ABCA2: variants seen among roughly 807,000 people sequenced by gnomAD.
The protein encoded by ABCA2 is ATP binding cassette subfamily A member 2, also known as ATP-binding cassette sub-family A member 2.
ABCA2 carries 84 observed loss-of-function variants against 262.8 expected under a neutral mutation model. The observed-to-expected ratio is 0.32, with a 90% confidence interval of 0.27 to 0.38. ABCA2 has a LOEUF of 0.38. Ranked by LOEUF, ABCA2 falls within the 10% of genes least tolerant of loss-of-function variation. The probability of loss-of-function intolerance (pLI) is 1.00; values close to 1 mark genes in which losing one functional copy is unlikely to be tolerated. For synonymous variants in ABCA2, 1,696 were observed against 1,502.9 expected, an observed-to-expected ratio of 1.13 and a Z score of -2.97; for missense variants, 2,662 against 3,405.9, an observed-to-expected ratio of 0.78 and a Z score of 5.44.
rs1830880067 is a variant in ABCA2, at chr9:137,007,654, C to T, written c.*275G>A. ...GGCGGTGAGCAGTGCCAGGCAGGGG[C>T]GAGGGGCCGGGCAGACCCCGAGGCT... On this transcript the variant is annotated 3_prime_UTR_variant, in exon 49 of 49. Transcript: ENST00000341511. The T allele has an allele frequency of 9.2e-6, 5 of 546,008 alleles. No individual in the cohort carries two copies. The highest frequency in any genetic ancestry group is 3.2e-5 in the East Asian group (1 of 30,890). The allele number at this position is 546,008 out of a possible 1,614,324, so 33.8% of individuals were successfully genotyped here.
Position 137,017,102 on chromosome 9 carries a change from A to C in ABCA2, c.2576T>G (p.Phe859Cys). 6.2e-7 allele frequency: 1 copy of C among 1,612,624 alleles called. No homozygotes were observed. The highest frequency in any genetic ancestry group is 8.5e-7 in the Non-Finnish European group (1 of 1,179,906). ...CIASLMSTTAFGLGSKYFALY... is the reference protein window; with the variant it reads ...CIASLMSTTACGLGSKYFALY... ...CGCGAAGTACTTAGAGCCCAGACCA[A>C]AGGCCGTCGTGGACATGAGGGACTG... Residue 859 changes from phenylalanine to cysteine, a missense_variant, in exon 19 of 49, where the codon TTT (phenylalanine) becomes TGT (cysteine). Phe to Cys is a radical substitution (Grantham distance 205). This residue lies in a region of ABCA2 where 188 missense variants were observed against 343.4 expected (regional missense o/e 0.55). Transcript: ENST00000341511.
chr9:137,016,735 A>G lies in ABCA2; in HGVS notation c.2762T>C (p.Met921Thr). ...GTACCAGGGCCGGGGCAGCCCGTACATGCCTGGGGGTCGGGGAGGGGAGGG... is the reference window on the plus strand; with the variant it reads ...GTACCAGGGCCGGGGCAGCCCGTACGTGCCTGGGGGTCGGGGAGGGGAGGG... ...TWYIEAVHPG[M>T]YGLPRPWYFP... The change falls in exon 20 of 49, where the codon ATG (methionine) becomes ACG (threonine). Residue 921 changes from methionine to threonine, a missense_variant. Physicochemically the swap from Met to Thr is moderately conservative, Grantham distance 81 (BLOSUM62 -1). This residue lies in a region of ABCA2 where 133 missense variants were observed against 150.8 expected (regional missense o/e 0.88). Transcript: ENST00000341511. The G allele has an allele frequency of 6.5e-7, 1 of 1,549,744 alleles. No individual in the cohort carries two copies. Among genetic ancestry groups the G allele is most frequent in the Non-Finnish European group, 8.7e-7 (1 of 1,150,096 alleles).
Position 137,018,918 on chromosome 9 carries a change from G to C in ABCA2, c.1707C>G (p.Ile569Met). ...DTIDNAACGW[I>M]QFMSKVSVDI... ...CACCGCTCACCTTGGACATGAACTG[G>C]ATCCAGCCGCAGGCCGCGTTGTCAA... Residue 569 changes from isoleucine (I) to methionine (M), a missense_variant, in exon 12 of 49, where the codon ATC becomes ATG. Physicochemically the swap from Ile to Met is conservative, Grantham distance 10. This residue lies in a region of ABCA2 where 187 missense variants were observed against 205.9 expected (regional missense o/e 0.91). Coordinates refer to ENST00000341511, the MANE Select transcript of ABCA2 (RefSeq NM_001606.5). 2 of 1,612,554 alleles carry C rather than the reference G, an allele frequency of 1.2e-6. No homozygotes were observed. Among genetic ancestry groups the C allele is most frequent in the Non-Finnish European group, 1.7e-6 (2 of 1,179,652 alleles).
chr9:137,008,183 C>T (rs1830899883), intron 48 of ABCA2: 1 of 805,618 alleles, frequency 1.2e-6, no homozygotes, highest in Non-Finnish European at 2.1e-6. Flanking sequence ...GCTCTGGTCC[C>T]CTCTGCCCCA....
chr9:137,022,787 G>A lies in ABCA2; in HGVS notation c.354C>T (p.Gly118=), dbSNP rs1831517661. The change falls in exon 5 of 49, where the codon GGC becomes GGT. Residue 118 remains glycine (G), a synonymous_variant. Coordinates refer to ENST00000341511, the MANE Select transcript of ABCA2 (RefSeq NM_001606.5). ...GCTGGCGTAGGGCCTCGAGCTCTGA[G>A]CCCAGGCTGGGCCGCGCTGGGTCAA... ...NLFDPARPSL[G]SELEALRQHL... 1 of 1,598,570 alleles carries A rather than the reference G, an allele frequency of 6.3e-7. No individual in the cohort carries two copies. Among genetic ancestry groups the A allele is most frequent in the Non-Finnish European group, 8.5e-7 (1 of 1,174,220 alleles).
At position 137,021,364 on chromosome 9, in the gene ABCA2, A is replaced by C. The variant is rs1190478082; in HGVS notation, c.897+28T>G. On this transcript the variant is annotated intron_variant, in intron 8 of 48. Coordinates refer to ENST00000341511, the MANE Select transcript of ABCA2 (RefSeq NM_001606.5). The surrounding 1 kb of genome is among the most constrained non-coding windows in gnomAD (Gnocchi z 6.0). ...CTTCAACTCAGGCAGCAAGCAGCGC[A>C]GCGGGCAGTGGGCAGGCAGGGCCTC... is the stretch of plus-strand genomic sequence containing the variant. The C allele has an allele frequency of 6.3e-7, 1 of 1,598,002 alleles. No homozygotes were observed. Among genetic ancestry groups the C allele is most frequent in the Non-Finnish European group, 8.5e-7 (1 of 1,177,106 alleles).
rs778415702 is a variant in ABCA2, at chr9:137,022,836, C to T, written c.305G>A (p.Arg102His). ...TVTQLLERLD[R>H]VVEEGNLFDP... ...AAACAGGTTGCCTTCCTCCACCACG[C>T]GGTCCAGGCGCTCAAGCAGCTGCGT... Residue 102 changes from arginine (R) to histidine (H), a missense_variant, in exon 5 of 49, where the codon CGC becomes CAC. Physicochemically the swap from Arg to His is conservative, Grantham distance 29. Around this residue, in one of 12 missense-constraint regions of ABCA2, gnomAD observed 101 missense variants for 152.3 expected, o/e 0.66. Coordinates refer to ENST00000341511, the MANE Select transcript of ABCA2 (RefSeq NM_001606.5). 5.8e-5 allele frequency: 82 copies of T among 1,410,812 alleles called. 1 individual carries two copies. The highest frequency in any genetic ancestry group is 7.2e-5 in the East Asian group (2 of 27,950). The allele number at this position is 1,410,812 out of a possible 1,614,324, so 87.4% of individuals were successfully genotyped here.
At chr9:137,028,916 C>G (rs780705562), upstream of ABCA2, 10 of 1,288,332 alleles carry the variant, frequency 7.8e-6, no homozygotes, top group Non-Finnish European at 1.0e-5. This position sits in a 1 kb window ranked among gnomAD's most constrained non-coding sequence, Gnocchi z 6.9. Flanking sequence ...CGGGATCAGG[C>G]GGTTCTGCGG....
Position 137,011,827 on chromosome 9 carries a change from G to A in ABCA2, c.5535+17C>T. The stretch of plus-strand genomic sequence containing the variant: ...GATGAGAAGGGCCGGGGCACCCCAT[G>A]GCCACGCCGGGCGCACCATGTCCCA... On this transcript the variant is annotated intron_variant, in intron 35 of 48. Transcript: ENST00000341511. This position sits in a 1 kb window ranked among gnomAD's most constrained non-coding sequence, Gnocchi z 8.8. 1 of 1,565,612 alleles carries A rather than the reference G, an allele frequency of 6.4e-7. No individual in the cohort carries two copies. The highest frequency in any genetic ancestry group is 1.2e-5 in the South Asian group (1 of 85,748).
Position 137,018,379 on chromosome 9 carries a change from A to G in ABCA2, c.1820-28T>C, listed in dbSNP as rs781117924. ...GGGGCCGGGAGGTTGGGGCGGGGCC[A>G]AGATGCAGGGGCGGGACCAAGGCGT... On this transcript the variant is annotated intron_variant, in intron 13 of 48. Transcript: ENST00000341511. 3.1e-5 allele frequency: 41 copies of G among 1,306,122 alleles called. No homozygotes were observed. In the Admixed American group the frequency reaches 8.7e-4, roughly 28 times the overall value. 80.9% of individuals were successfully genotyped at this position (1,306,122 alleles called of 1,614,324 possible). A position where few individuals can be genotyped will look rare whatever the true frequency, so the allele number is the denominator to read the frequency against.
At chr9:137,012,447 C>T in intron 32 of ABCA2, 38 bp downstream of exon 32, 1 of 1,609,860 alleles carries the variant, frequency 6.2e-7, no homozygotes, top group Non-Finnish European at 8.5e-7. Flanking sequence ...TCGGGCGGCG[C>T]TACACACAGC....
At position 137,019,009 on chromosome 9, in the gene ABCA2, G is replaced by C. The variant is rs773180113; in HGVS notation, c.1616C>G (p.Pro539Arg). 1.2e-6 allele frequency: 2 copies of C among 1,612,896 alleles called. No homozygotes were observed. Among genetic ancestry groups the C allele is most frequent in the Non-Finnish European group, 8.5e-7 (1 of 1,179,830 alleles). ...CGAGAAGTTGTCCTGTCTCAGGGCC[G>C]GCGGCAGCTCATCCAGTGACAGGTT... The part of the protein sequence containing the change: ...ALNLSLDELP[P>R]ALRQDNFSLP... Residue 539 changes from proline to arginine, a missense_variant, in exon 12 of 49, where the codon CCG (proline) becomes CGG (arginine). Pro to Arg is a moderately radical substitution (Grantham distance 103). Around this residue, in one of 12 missense-constraint regions of ABCA2, gnomAD observed 187 missense variants for 205.9 expected, o/e 0.91. Coordinates refer to ENST00000341511, the MANE Select transcript of ABCA2 (RefSeq NM_001606.5). This position sits in a 1 kb window ranked among gnomAD's most constrained non-coding sequence, Gnocchi z 4.4.
chr9:137,024,350 G>A (rs1351649153), intron 1 of ABCA2, 114 bp from the exon 2 acceptor site: 8 of 869,038 alleles, frequency 9.2e-6, no homozygotes, highest in African/African-American at 1.7e-5. Context: ...CCTGGGGCCA[G>A]GGAAGGTGGG....
rs763312690 is a variant in ABCA2 at position 137,024,162 on chromosome 9, G to A, written c.141C>T (p.Pro47=). The A allele has an allele frequency of 1.2e-6, 2 of 1,611,058 alleles. No homozygotes were observed. The highest frequency in any genetic ancestry group is 2.2e-5 in the East Asian group (1 of 44,804). ...ACTCACCTTCCTTCACGGAGATGGTGGGCTTCTTCTGTCGCAGCCCCAGCA... is the reference window on the plus strand; with the variant it reads ...ACTCACCTTCCTTCACGGAGATGGTAGGCTTCTTCTGTCGCAGCCCCAGCA... ...FILLGLRQKK[P]TISVKEVSFY... The change falls in exon 2 of 49, where the codon CCC becomes CCT. Residue 47 remains proline (P), a synonymous_variant. Transcript: ENST00000341511.
chr9:137,008,849 A>G lies in ABCA2; in HGVS notation c.6950T>C (p.Val2317Ala), dbSNP rs1245551598. ...GTGCTCCGACTTGAGCTGGTACTGC[A>G]CCTTTGTGTGGTGCCGCTCCTGCAG... The part of the protein sequence containing the change: ...AMLKERHHTK[V>A]QYQLKSEHIS... Residue 2317 changes from valine (V) to alanine (A), a missense_variant, in exon 47 of 49, where the codon GTG becomes GCG. Physicochemically the swap from Val to Ala is moderately conservative, Grantham distance 64. Coordinates refer to ENST00000341511, the MANE Select transcript of ABCA2 (RefSeq NM_001606.5). 1 of 1,604,632 alleles carries G rather than the reference A, an allele frequency of 6.2e-7. No homozygotes were observed. The highest frequency in any genetic ancestry group is 1.1e-5 in the South Asian group (1 of 90,802).
rs990730994 is a variant in ABCA2 at position 137,011,839 on chromosome 9, C to T, written c.5535+5G>A. 1.9e-6 allele frequency: 3 copies of T among 1,577,056 alleles called. No individual in the cohort carries two copies. The highest frequency in any genetic ancestry group is 2.6e-6 in the Non-Finnish European group (3 of 1,162,638). ...CGGGGCACCCCATGGCCACGCCGGGCGCACCATGTCCCACACGTAGTTCGC... is the reference window on the plus strand; with the variant it reads ...CGGGGCACCCCATGGCCACGCCGGGTGCACCATGTCCCACACGTAGTTCGC... On this transcript the variant is annotated splice_donor_5th_base_variant and intron_variant, in intron 35 of 48. Transcript: ENST00000341511. The surrounding 1 kb of genome is among the most constrained non-coding windows in gnomAD (Gnocchi z 8.8).
At position 137,017,147 on chromosome 9, in the gene ABCA2, A is replaced by C. The variant is rs898819119; in HGVS notation, c.2554-23T>G. On this transcript the variant is annotated intron_variant, in intron 18 of 48. Transcript: ENST00000341511. Reference sequence around the variant, plus strand: ...GGACTGAGAAGGCAGTGGTGTCAGCACGTGGGGTGGCCCGGCACCCCAGCC... The same window carrying C: ...GGACTGAGAAGGCAGTGGTGTCAGCCCGTGGGGTGGCCCGGCACCCCAGCC... 1.9e-6 allele frequency: 3 copies of C among 1,611,668 alleles called. No individual in the cohort carries two copies. The Admixed American group carries it at 5.0e-5, about 27-fold the overall frequency.
intron 23 of ABCA2, 38 bp downstream of exon 23, chr9:137,015,637 C>A (rs929153748): frequency 6.2e-7 from 1 of 1,610,522 alleles, no homozygotes. Context: ...GCAGGGGAGG[C>A]GCCGCCCGCA....
chr9:137,014,138 G>A (rs1831168486), intron 27 of ABCA2, 30 bp downstream of exon 27: 3 of 1,596,128 alleles, frequency 1.9e-6, no homozygotes, highest in Non-Finnish European at 2.6e-6. Context: ...CCCCTCCCTT[G>A]CTGTCCCAGC....
Sources: gnomAD v4.1 joint callset for allele counts on GRCh38, gnomAD v4.1.1 for gene constraint, gnomAD v4.1.1 regional missense constraint, Gnocchi (gnomAD v3.1) non-coding constraint, MANE v1.5 for transcripts, NCBI Gene and HGNC (gene_info 2026-07-23, HGNC 2026-07-21) for gene names.